LIMS1: variants seen among roughly 807,000 people sequenced by gnomAD.
LIMS1 encodes the protein LIM zinc finger domain containing 1, also known as LIM and senescent cell antigen-like-containing domain protein 1.
LIMS1 carries 18 observed loss-of-function variants against 44.1 expected under a neutral mutation model. The observed-to-expected ratio is 0.41, with a 90% confidence interval of 0.28 to 0.61. The LOEUF is 0.61. Ranked by LOEUF, LIMS1 falls within the 20% of genes least tolerant of loss-of-function variation. The pLI is 0.32. For synonymous variants in LIMS1, 93 were observed against 149.1 expected (o/e 0.62, Z 2.74); for missense variants, 201 against 422.0 (o/e 0.48, Z 4.59).
exon 1 of LIMS1, chr2:108,534,400 C>CT (rs1226854428): frequency 2.9e-6 from 1 of 349,774 alleles, no homozygotes; most frequent in South Asian, 1.3e-4. Context: ...CCCGCCTCGC[C>CT]TTCCCCCCCC....
intron 1 of LIMS1, among the ~76,000 whole-genome samples, chr2:108,623,343 C>T (rs1389073348): frequency 1.3e-5 from 2 of 151,860 alleles, no homozygotes; most frequent in African/African-American, 4.8e-5. Context: ...AAGTTAGGTA[C>T]ACCAGAGTTT....
intron 2 of LIMS1, 148 bp from the exon 3 acceptor site, chr2:108,670,633 A>G (rs1357718901): frequency 1.9e-5 from 14 of 724,082 alleles, no homozygotes; most frequent in African/African-American, 3.6e-5. Flanking sequence ...GCAAAAGAGT[A>G]TCTGCTTTTT....
chr2:108,571,104 G>A (rs1450903607), intron 1 of LIMS1, among the ~76,000 whole-genome samples: 4 of 152,074 alleles, frequency 2.6e-5, no homozygotes, highest in Admixed American at 6.6e-5. Flanking sequence ...TTATTGGGAG[G>A]GATGTAAATA....
chr2:108,560,239 C>T (rs1392349853), intron 1 of LIMS1, among the ~76,000 whole-genome samples: 1 of 152,156 alleles, frequency 6.6e-6, no homozygotes, highest in Non-Finnish European at 1.5e-5. Context: ...CTATTCTTAA[C>T]ACAGCAGCCA....
chr2:108,551,953 G>GTGTGTATA (rs56703030), intron 1 of LIMS1, among the ~76,000 whole-genome samples: 1 of 85,326 alleles, frequency 1.2e-5, no homozygotes, highest in African/African-American at 3.4e-5. Context: ...GTGTGTGTGT[G>GTGTGTATA]TATATATATA....
chr2:108,667,545 A>ATATATATAT (rs1160627769), intron 2 of LIMS1, among the ~76,000 whole-genome samples: 1 of 70,442 alleles, frequency 1.4e-5, no homozygotes, highest in African/African-American at 4.6e-5. Context: ...TTTTAAAAAA[A>ATATATATAT]AAAAAAATAT....
chr2:108,567,006 A>T (rs1685315275), intron 1 of LIMS1, among the ~76,000 whole-genome samples: 1 of 152,210 alleles, frequency 6.6e-6, no homozygotes, highest in African/African-American at 2.4e-5. Flanking sequence ...CTCTATATCC[A>T]TTGAATAGCA....
chr2:108,680,024 A>C (rs1692850106), intron 8 of LIMS1, among the ~76,000 whole-genome samples: 1 of 152,062 alleles, frequency 6.6e-6, no homozygotes, highest in South Asian at 2.1e-4. Context: ...CAGGAGTTCA[A>C]GACCGTCCTG....
intron 8 of LIMS1, among the ~76,000 whole-genome samples, chr2:108,679,895 C>T (rs1453271228): frequency 6.6e-6 from 1 of 151,802 alleles, no homozygotes; most frequent in Non-Finnish European, 1.5e-5. Context: ...CAGAGCGAGA[C>T]CCTGTCTGAA....
intron 1 of LIMS1, among the ~76,000 whole-genome samples, chr2:108,550,534 G>T (rs1460495609): frequency 6.6e-6 from 1 of 150,546 alleles, no homozygotes; most frequent in East Asian, 1.9e-4. Flanking sequence ...AATAAATAAA[G>T]CCCAGGCACG....
intron 1 of LIMS1, among the ~76,000 whole-genome samples, chr2:108,582,336 C>G (rs1355923288): frequency 6.6e-6 from 1 of 152,196 alleles, no homozygotes; most frequent in Non-Finnish European, 1.5e-5. Context: ...GCCAGAGATG[C>G]TGAATGTCAT....
intron 1 of LIMS1, among the ~76,000 whole-genome samples, chr2:108,625,011 G>A (rs187296645): frequency 5.9e-4 from 88 of 149,214 alleles, no homozygotes; most frequent in African/African-American, 1.9e-3. Flanking sequence ...CCTGGAAGGC[G>A]GAGGTTGCAG....
intron 1 of LIMS1, among the ~76,000 whole-genome samples, chr2:108,608,257 T>C (rs1290842452): frequency 6.6e-6 from 1 of 152,158 alleles, no homozygotes; most frequent in Non-Finnish European, 1.5e-5. Flanking sequence ...CTTTAGGTTT[T>C]CCTTGGTGTA....
intron 1 of LIMS1, among the ~76,000 whole-genome samples, chr2:108,625,393 C>A (rs1688503016): frequency 6.6e-6 from 1 of 152,128 alleles, no homozygotes; most frequent in Non-Finnish European, 1.5e-5. Context: ...TATTTACCTT[C>A]AGGCCCTTCA....
intron 1 of LIMS1, among the ~76,000 whole-genome samples, chr2:108,552,523 ATCTT>A (rs1684787952): frequency 6.8e-6 from 1 of 146,494 alleles, no homozygotes; most frequent in Non-Finnish European, 1.5e-5. Context: ...ATATAAATAT[ATCTT>A]ATATATTTAT....
chr2:108,681,614 GT>G (rs1186297872), intron 9 of LIMS1: 6 of 957,048 alleles, frequency 6.3e-6, no homozygotes, highest in Non-Finnish European at 7.5e-6. Context: ...TATATTCTAA[GT>G]TATGTATTAA....
intron 1 of LIMS1, among the ~76,000 whole-genome samples, chr2:108,632,302 A>G (rs967243643): frequency 3.3e-5 from 5 of 152,208 alleles, no homozygotes; most frequent in Non-Finnish European, 7.3e-5. Flanking sequence ...TTGGGAAGCC[A>G]CACATGTTTG....
intron 1 of LIMS1, chr2:108,621,517 G>A (rs756466177): frequency 3.1e-6 from 4 of 1,277,958 alleles, no homozygotes; most frequent in Non-Finnish European, 4.5e-6. Flanking sequence ...AGTAAGTGCA[G>A]TGGGGATTCA....
At chr2:108,634,838 A>C (rs535323608) in intron 1 of LIMS1, among the ~76,000 whole-genome samples, 1 of 152,358 alleles carries the variant, frequency 6.6e-6, no homozygotes, top group African/African-American at 2.4e-5. Flanking sequence ...CTGCCCAAGG[A>C]GCTGCTGTCC....
Sources: allele counts gnomAD v4.1 joint callset (sites outside exome capture counted in the v4.1 genomes callset), GRCh38; gene constraint gnomAD v4.1.1; transcripts MANE v1.5; gene names NCBI Gene and HGNC (gene_info 2026-07-23, HGNC 2026-07-21).